Variants in PDZRN3 observed in about 807,000 individuals in gnomAD.
PDZRN3 encodes the protein E3 ubiquitin-protein ligase PDZRN3.
A neutral mutation model predicts 85.7 loss-of-function variants in PDZRN3; 38 were observed. That is an observed-to-expected ratio of 0.44 (90% CI 0.34 to 0.58). The LOEUF (loss-of-function observed/expected upper bound fraction) is 0.58, where lower values mean the gene tolerates loss of function less well. PDZRN3 is among the 20% of genes least tolerant of loss of function. The pLI is 0.01. For missense variants in PDZRN3, 1,629 were observed against 1,506.4 expected, an observed-to-expected ratio of 1.08 and a Z score of -1.35; for synonymous variants, 759 against 638.0, an observed-to-expected ratio of 1.19 and a Z score of -2.86.
intron 3 of PDZRN3, among the ~76,000 whole-genome samples, chr3:73,434,967 T>G (rs968425466): frequency 6.6e-6 from 1 of 152,244 alleles, no homozygotes; most frequent in Non-Finnish European, 1.5e-5. Context: ...TACCTTTTTC[T>G]CAACGAAAAT....
intron 3 of PDZRN3, among the ~76,000 whole-genome samples, chr3:73,446,291 C>T (rs1269748088): frequency 6.6e-6 from 1 of 152,174 alleles, no homozygotes; most frequent in African/African-American, 2.4e-5. Context: ...GTTACATGGG[C>T]AGTGAGCGTT....
chr3:73,534,659 C>T (rs1016901230), intron 3 of PDZRN3, among the ~76,000 whole-genome samples: 1 of 152,182 alleles, frequency 6.6e-6, no homozygotes, highest in Non-Finnish European at 1.5e-5. Context: ...CTAGGTCTTG[C>T]CTCGGCAGTA....
chr3:73,388,075 A>AC lies in PDZRN3; in HGVS notation c.1417-7_1417-6insG. 9.3e-7 allele frequency: 1 copy of AC among 1,080,112 alleles called. No homozygotes were observed. Among genetic ancestry groups the AC allele is most frequent in the Admixed American group, 2.9e-5 (1 of 34,022 alleles). The allele number at this position is 1,080,112 out of a possible 1,614,324, so 66.9% of individuals were successfully genotyped here. ...TGCACCTCTATCCCATTAATCTTTT[A>AC]AAAAAAAAGGGGGGGTGGGGAGAGT... On this transcript the variant is annotated splice_region_variant and splice_polypyrimidine_tract_variant and intron_variant, in intron 7 of 9. Transcript: ENST00000263666.
intron 3 of PDZRN3, among the ~76,000 whole-genome samples, chr3:73,459,193 T>C (rs1293428246): frequency 6.6e-6 from 1 of 151,900 alleles, no homozygotes; most frequent in Non-Finnish European, 1.5e-5. Flanking sequence ...GAACTCACTA[T>C]CATAAGAACA....
At chr3:73,452,037 C>T (rs1024140036) in intron 3 of PDZRN3, among the ~76,000 whole-genome samples, 2 of 152,178 alleles carry the variant, frequency 1.3e-5, no homozygotes, top group African/African-American at 4.8e-5. Flanking sequence ...CAATAACCTG[C>T]TATGTCTTTA....
chr3:73,388,178 G>C, intron 7 of PDZRN3, 109 bp from the exon 8 acceptor site: 1 of 616,036 alleles, frequency 1.6e-6, no homozygotes, highest in Non-Finnish European at 2.8e-6. Flanking sequence ...CCCACTCACA[G>C]TTAGAACATA....
intron 3 of PDZRN3, among the ~76,000 whole-genome samples, chr3:73,419,671 A>T (rs1243596529): frequency 6.6e-6 from 1 of 152,028 alleles, no homozygotes; most frequent in African/African-American, 2.4e-5. Flanking sequence ...ACCTCGTTTC[A>T]TCGTGCCTTA....
intron 3 of PDZRN3, among the ~76,000 whole-genome samples, chr3:73,583,050 C>T (rs1404746792): frequency 1.3e-5 from 2 of 152,184 alleles, no homozygotes; most frequent in Non-Finnish European, 2.9e-5. Flanking sequence ...TGGAAACTAT[C>T]AATAATCATA....
intron 3 of PDZRN3, among the ~76,000 whole-genome samples, chr3:73,583,120 A>G (rs1057342214): frequency 4.6e-5 from 7 of 152,182 alleles, no homozygotes; most frequent in African/African-American, 1.7e-4. Context: ...AGCCCCTAAC[A>G]TCTTAAGATT....
At chr3:73,406,097 G>GAA (rs66769172) in intron 3 of PDZRN3, among the ~76,000 whole-genome samples, 9,099 of 152,190 alleles carry the variant, frequency 0.06, 880 homozygotes, top group African/African-American at 0.21. Flanking sequence ...GAGTTCGGCA[G>GAA]AAAAGAACTC....
intron 3 of PDZRN3, among the ~76,000 whole-genome samples, chr3:73,588,049 G>A (rs560032268): frequency 7.9e-5 from 12 of 152,204 alleles, no homozygotes; most frequent in Non-Finnish European, 1.5e-4. Flanking sequence ...GGTGGTTTGC[G>A]GCACCTGTTG....
In PDZRN3 at chr3:73,624,401, C is replaced by A. The variant is rs1352699081; in HGVS notation, c.425G>T (p.Cys142Phe). ...DACDARPVGR[C>F]QEGCGLPLTH... ...CAAGGGTAGCCCGCAGCCCTCCTGG[C>A]AGCGGCCCACTGGCCGCGCGTCGCA... Residue 142 changes from cysteine to phenylalanine, a missense_variant, in exon 1 of 10, where the codon TGC becomes TTC. Physicochemically the swap from Cys to Phe is radical, Grantham distance 205. Transcript: ENST00000263666. 1 of 1,305,002 alleles carries A rather than the reference C, an allele frequency of 7.7e-7. No homozygotes were observed. Among genetic ancestry groups the A allele is most frequent in the Non-Finnish European group, 9.7e-7 (1 of 1,031,968 alleles). 80.8% of individuals were successfully genotyped at this position (1,305,002 alleles called of 1,614,324 possible).
At chr3:73,476,161 A>C (rs1173903287) in intron 3 of PDZRN3, among the ~76,000 whole-genome samples, 2 of 152,252 alleles carry the variant, frequency 1.3e-5, no homozygotes, top group East Asian at 3.9e-4. Context: ...TGCTATAAGG[A>C]ACTACCTGAG....
intron 3 of PDZRN3, among the ~76,000 whole-genome samples, chr3:73,599,507 T>A (rs1002625546): frequency 6.6e-6 from 1 of 152,230 alleles, no homozygotes; most frequent in Non-Finnish European, 1.5e-5. Context: ...ATGGTGGTAC[T>A]GGTTCTGCAA....
At chr3:73,408,836 C>T (rs568500995) in intron 3 of PDZRN3, among the ~76,000 whole-genome samples, 4 of 152,044 alleles carry the variant, frequency 2.6e-5, no homozygotes, top group South Asian at 2.1e-4. Context: ...CTCCGGTGCA[C>T]GCCGTCAGCC....
At chr3:73,404,708 C>T (rs747125918) in intron 3 of PDZRN3, 9 of 328,282 alleles carry the variant, frequency 2.7e-5, no homozygotes, top group Non-Finnish European at 4.5e-5. Flanking sequence ...CAGCCTCAGG[C>T]TCCGAGCCTT....
rs145233458 is a variant in PDZRN3, at chr3:73,443,055, G to A, written c.919-38660C>T. On this transcript the variant is annotated intron_variant, in intron 3 of 9. Transcript: ENST00000263666. The stretch of plus-strand genomic sequence containing the variant: ...ACTTCAAGTGGGGGCGTGGGAATCC[G>A]GCTGCTCCCAGCCGCGCCCCACCAC... Among the ~76,000 whole-genome samples the A allele has an allele frequency of 8.2e-3, 1,243 of 152,262 alleles. 14 individuals are homozygous for A. The highest frequency in any genetic ancestry group is 0.027 in the African/African-American group (1,120 of 41,544).
At chr3:73,487,366 A>G (rs920725374) in intron 3 of PDZRN3, among the ~76,000 whole-genome samples, 2 of 152,224 alleles carry the variant, frequency 1.3e-5, no homozygotes, top group African/African-American at 4.8e-5. Context: ...AGCCACCAAT[A>G]TAAGTACTTA....
chr3:73,540,150 A>C (rs549656446), intron 3 of PDZRN3, among the ~76,000 whole-genome samples: 1 of 151,722 alleles, frequency 6.6e-6, no homozygotes, highest in African/African-American at 2.4e-5. Flanking sequence ...ACTGGTGTTA[A>C]ATACTAAGAA....
Sources: allele counts gnomAD v4.1 joint callset (sites outside exome capture counted in the v4.1 genomes callset), GRCh38; gene constraint gnomAD v4.1.1; transcripts MANE v1.5; gene names NCBI Gene and HGNC (gene_info 2026-07-23, HGNC 2026-07-21).